Variants in NXPE2 observed in about 807,000 individuals in gnomAD.
The protein encoded by NXPE2 is neurexophilin and PC-esterase domain family member 2, also known as NXPE family member 2.
In NXPE2, 34 loss-of-function variants were observed where a neutral mutation model predicts 34.4. The observed-to-expected ratio is 0.99, with a 90% CI of 0.75 to 1.31. The LOEUF is 1.31. NXPE2 is among the 40% of genes most tolerant of loss of function. The probability of loss-of-function intolerance (pLI) is 0.00; values close to 1 mark genes in which losing one functional copy is unlikely to be tolerated. For synonymous variants in NXPE2, 235 were observed against 231.3 expected, an observed-to-expected ratio of 1.02 and a Z score of -0.15; for missense variants, 649 against 672.5, an observed-to-expected ratio of 0.97 and a Z score of 0.39.
the NXPE2 span, chr11:114,571,455 A>T: frequency 6.2e-7 from 1 of 1,607,824 alleles, no homozygotes. Flanking sequence ...AGATTCATGC[A>T]GATCCACTGA....
the NXPE2 span, among the ~76,000 whole-genome samples, chr11:114,580,757 G>C: frequency 6.6e-6 from 1 of 152,168 alleles, no homozygotes; most frequent in Non-Finnish European, 1.5e-5. Context: ...AATCCTTTGA[G>C]TTAAATAAAG....
chr11:114,663,463 G>A, the NXPE2 span, among the ~76,000 whole-genome samples: 1 of 152,066 alleles, frequency 6.6e-6, no homozygotes, highest in African/African-American at 2.4e-5. Context: ...GGACATGGTG[G>A]TGTCTAATGG....
At chr11:114,555,735 A>G in the NXPE2 span, among the ~76,000 whole-genome samples, 1 of 152,106 alleles carries the variant, frequency 6.6e-6, no homozygotes, top group African/African-American at 2.4e-5. Flanking sequence ...GGCACTACAG[A>G]TGAGATTTCT....
At chr11:114,740,166 A>G in the NXPE2 span, among the ~76,000 whole-genome samples, 14 of 152,206 alleles carry the variant, frequency 9.2e-5, no homozygotes, top group Admixed American at 6.5e-4. Flanking sequence ...GACTGTAATT[A>G]AAGTTAGGTA....
chr11:114,670,634 G>C, the NXPE2 span, among the ~76,000 whole-genome samples: 1 of 151,992 alleles, frequency 6.6e-6, no homozygotes, highest in South Asian at 2.1e-4. Context: ...CAAAGTTACA[G>C]TGAGATATGA....
At chr11:114,659,816 G>A in the NXPE2 span, among the ~76,000 whole-genome samples, 3 of 151,992 alleles carry the variant, frequency 2.0e-5, no homozygotes, top group Admixed American at 6.6e-5. Flanking sequence ...AAACAATAAT[G>A]TAGATAAGAG....
the NXPE2 span, among the ~76,000 whole-genome samples, chr11:114,600,633 C>T: frequency 6.6e-6 from 1 of 151,956 alleles, no homozygotes; most frequent in East Asian, 1.9e-4. Context: ...GCTAAGGAGA[C>T]ATGATGACTA....
At chr11:114,600,853 A>C in the NXPE2 span, among the ~76,000 whole-genome samples, 1 of 152,072 alleles carries the variant, frequency 6.6e-6, no homozygotes, top group Non-Finnish European at 1.5e-5. Flanking sequence ...ACTATTTTGA[A>C]ACTTTTCTAT....
At chr11:114,566,717 A>G in the NXPE2 span, among the ~76,000 whole-genome samples, 2 of 148,964 alleles carry the variant, frequency 1.3e-5, 1 homozygote, top group Admixed American at 1.3e-4. Flanking sequence ...CTCTCTCTCT[A>G]TCTCTGTATA....
the NXPE2 span, among the ~76,000 whole-genome samples, chr11:114,653,094 T>G: frequency 6.6e-6 from 1 of 152,200 alleles, no homozygotes; most frequent in Non-Finnish European, 1.5e-5. Flanking sequence ...ATGTATAAAT[T>G]TTCAAAACAA....
At chr11:114,676,040 T>C (rs1272652373), upstream of NXPE2, among the ~76,000 whole-genome samples, 1 of 151,936 alleles carries the variant, frequency 6.6e-6, no homozygotes, top group African/African-American at 2.4e-5. Context: ...CAGAACTGCA[T>C]ATCCACATGT....
At chr11:114,806,997 C>T in the NXPE2 span, among the ~76,000 whole-genome samples, 7 of 152,052 alleles carry the variant, frequency 4.6e-5, no homozygotes, top group Non-Finnish European at 8.8e-5. Flanking sequence ...GATCTCTCGC[C>T]AGAAACTCTA....
the NXPE2 span, among the ~76,000 whole-genome samples, chr11:114,618,179 C>T: frequency 9.0e-3 from 1,365 of 151,850 alleles, 21 homozygotes; most frequent in African/African-American, 0.031. Context: ...CATTGGTACC[C>T]GGTGGATACT....
chr11:114,745,253 C>A, the NXPE2 span, among the ~76,000 whole-genome samples: 1 of 152,130 alleles, frequency 6.6e-6, no homozygotes, highest in Non-Finnish European at 1.5e-5. Context: ...GTACAAGAAG[C>A]ATGGCACCAG....
chr11:114,497,088 G>A, the NXPE2 span, among the ~76,000 whole-genome samples: 1 of 152,004 alleles, frequency 6.6e-6, no homozygotes, highest in Non-Finnish European at 1.5e-5. Context: ...TCCAGAAGAG[G>A]GCGTTGTTAT....
At chr11:114,562,416 C>T in the NXPE2 span, among the ~76,000 whole-genome samples, 27 of 152,322 alleles carry the variant, frequency 1.8e-4, no homozygotes, top group Admixed American at 4.6e-4. Flanking sequence ...GTGGAGAGGT[C>T]ATACCTCATG....
At chr11:114,578,265 C>T in the NXPE2 span, among the ~76,000 whole-genome samples, 3 of 152,194 alleles carry the variant, frequency 2.0e-5, no homozygotes, top group African/African-American at 7.2e-5. Flanking sequence ...CTGCTTCCAA[C>T]TTACTTCAGT....
the NXPE2 span, among the ~76,000 whole-genome samples, chr11:114,654,426 G>A: frequency 3.4e-3 from 522 of 151,990 alleles, 2 homozygotes; most frequent in African/African-American, 0.012. Flanking sequence ...GTGTGCCATG[G>A]TGGTTTGCTG....
At chr11:114,805,026 C>A in the NXPE2 span, among the ~76,000 whole-genome samples, 2 of 151,936 alleles carry the variant, frequency 1.3e-5, no homozygotes, top group African/African-American at 4.8e-5. Flanking sequence ...GAGTGGGGGT[C>A]TAAGGAAGAT....
Sources: allele counts gnomAD v4.1 joint callset (sites outside exome capture counted in the v4.1 genomes callset), GRCh38; gene constraint gnomAD v4.1.1; transcripts MANE v1.5; gene names NCBI Gene and HGNC (gene_info 2026-07-23, HGNC 2026-07-21).